Variants in AHCTF1 observed in about 807,000 individuals in gnomAD.
AHCTF1 encodes protein ELYS.
Under a neutral mutation model 248.4 loss-of-function variants are expected in AHCTF1, and 24 were observed. The observed-to-expected ratio is 0.10, with a 90% CI of 0.07 to 0.14. The LOEUF (loss-of-function observed/expected upper bound fraction) is 0.14, where lower values mean the gene tolerates loss of function less well. Ranked by LOEUF, AHCTF1 falls within the 10% of genes least tolerant of loss-of-function variation. The pLI, the probability that AHCTF1 is intolerant of heterozygous loss-of-function variation, is 1.00. For missense variants in AHCTF1, 2,206 were observed against 2,636.2 expected (o/e 0.84, Z 3.57); for synonymous variants, 786 against 929.8 (o/e 0.85, Z 2.81).
In AHCTF1 at chr1:246,902,448, T is replaced by C. The variant is rs544829859; in HGVS notation, c.1117+77A>G. 1,799 of 1,520,016 alleles carry C rather than the reference T, an allele frequency of 1.2e-3. 1 individual carries two copies. Among genetic ancestry groups the C allele is most frequent in the Non-Finnish European group, 1.4e-3 (1,617 of 1,124,646 alleles). The allele number at this position is 1,520,016 out of a possible 1,614,324, so 94.2% of individuals were successfully genotyped here. The stretch of plus-strand genomic sequence containing the variant: ...CCAATTTTCTGAACTGCCAGGAGTA[T>C]GAAATCTAGAAAATAACACCTGTCA... On this transcript the variant is annotated intron_variant, in intron 8 of 35. Coordinates refer to ENST00000648844, the MANE Select transcript of AHCTF1 (RefSeq NM_001323342.2).
chr1:246,867,285 A>C lies in AHCTF1; in HGVS notation c.3306T>G (p.Phe1102Leu), dbSNP rs1192632826. ...SLPAPELPEA[F>L]FGTPISKASQ... ...ATGCTTTTGAAATTGGTGTTCCAAAAAATGCCTCAGGCAGCTCTGGAGCTG... is the reference window on the plus strand; with the variant it reads ...ATGCTTTTGAAATTGGTGTTCCAAACAATGCCTCAGGCAGCTCTGGAGCTG... Residue 1102 changes from phenylalanine to leucine, a missense_variant, in exon 26 of 36, where the codon TTT becomes TTG. Coordinates refer to ENST00000648844, the MANE Select transcript of AHCTF1 (RefSeq NM_001323342.2). The C allele has an allele frequency of 1.9e-6, 3 of 1,604,194 alleles. No homozygotes were observed. The highest frequency in any genetic ancestry group is 2.6e-6 in the Non-Finnish European group (3 of 1,175,202).
intron 27 of AHCTF1, 87 bp downstream of exon 27, chr1:246,863,837 G>T: frequency 7.4e-7 from 1 of 1,352,962 alleles, no homozygotes; most frequent in Non-Finnish European, 1.0e-6. Flanking sequence ...AAGCGTATCA[G>T]TTATAAATTG....
intron 33 of AHCTF1, among the ~76,000 whole-genome samples, chr1:246,847,557 G>GC (rs1324114212): frequency 6.6e-6 from 1 of 152,102 alleles, no homozygotes; most frequent in Admixed American, 6.5e-5. Flanking sequence ...GAGTGCAGGG[G>GC]CACACGATCA....
intron 3 of AHCTF1, among the ~76,000 whole-genome samples, chr1:246,914,671 G>A (rs1359903819): frequency 6.6e-6 from 1 of 152,112 alleles, no homozygotes; most frequent in Non-Finnish European, 1.5e-5. Context: ...AACATAATGA[G>A]TGTATACTGC....
chr1:246,842,768 A>G lies in AHCTF1; in HGVS notation c.6534T>C (p.Asp2178=). ...KNKLEDELKD[D]AQSVETLGKP... ...TTCCCAGAGTTTCTACTGATTGTGC[A>G]TCATCTTTCTATGGGTTAAACATTT... The change falls in exon 35 of 36, where the codon GAT becomes GAC. Residue 2178 remains aspartate, a synonymous_variant. Transcript: ENST00000648844. The G allele has an allele frequency of 1.2e-6, 2 of 1,613,382 alleles. No individual in the cohort carries two copies. Among genetic ancestry groups the G allele is most frequent in the Non-Finnish European group, 1.7e-6 (2 of 1,179,700 alleles).
At position 246,839,706 on chromosome 1, in the gene AHCTF1, CAATTATT is replaced by C. The variant is rs1173555536; in HGVS notation, c.*1093_*1099del. On this transcript the variant is annotated 3_prime_UTR_variant, in exon 36 of 36. Coordinates refer to ENST00000648844, the MANE Select transcript of AHCTF1 (RefSeq NM_001323342.2). ...CGAAAGCAGTTCGTTTCTAGATAAT[CAATTATT>C]AATAGTCCATTCATTACACACTATC... is the stretch of plus-strand genomic sequence containing the variant. 1 of 242,738 alleles carries C rather than the reference CAATTATT, an allele frequency of 4.1e-6. No individual in the cohort carries two copies. The highest frequency in any genetic ancestry group is 2.4e-5 in the African/African-American group (1 of 42,104). The allele number at this position is 242,738 out of a possible 1,614,324, so 15.0% of individuals were successfully genotyped here.
At chr1:246,858,181 G>A (rs998729749) in intron 29 of AHCTF1, among the ~76,000 whole-genome samples, 1 of 151,688 alleles carries the variant, frequency 6.6e-6, no homozygotes, top group African/African-American at 2.4e-5. Flanking sequence ...GGATGGTCTC[G>A]ATCTCCTGAC....
intron 33 of AHCTF1, among the ~76,000 whole-genome samples, chr1:246,849,366 G>A (rs1362042317): frequency 1.3e-5 from 2 of 152,138 alleles, no homozygotes; most frequent in Non-Finnish European, 2.9e-5. Flanking sequence ...TCACAGAAGA[G>A]AAATTACACT....
intron 6 of AHCTF1, among the ~76,000 whole-genome samples, chr1:246,904,242 G>A (rs982897240): frequency 2.6e-5 from 4 of 152,112 alleles, no homozygotes; most frequent in African/African-American, 7.2e-5. Context: ...CAACTAAATC[G>A]ATGCTGTTTG....
chr1:246,866,961 T>G (rs1558228447), intron 26 of AHCTF1, among the ~76,000 whole-genome samples: 1 of 152,138 alleles, frequency 6.6e-6, no homozygotes, highest in Non-Finnish European at 1.5e-5. Flanking sequence ...AGAGGTCTAC[T>G]AACAAGCAGG....
intron 33 of AHCTF1, among the ~76,000 whole-genome samples, chr1:246,847,697 T>C (rs1572355792): frequency 6.6e-6 from 1 of 152,114 alleles, no homozygotes; most frequent in Non-Finnish European, 1.5e-5. Context: ...ATGGGGTTTT[T>C]TTGGCCATGT....
At chr1:246,901,603 G>A (rs1438685372) in intron 8 of AHCTF1, among the ~76,000 whole-genome samples, 1 of 152,016 alleles carries the variant, frequency 6.6e-6, no homozygotes, top group Non-Finnish European at 1.5e-5. Flanking sequence ...GACAGAGCGA[G>A]ACTCCATCTC....
At chr1:246,842,596 A>C in intron 35 of AHCTF1, 98 bp downstream of exon 35, 1 of 932,288 alleles carries the variant, frequency 1.1e-6, no homozygotes, top group East Asian at 3.2e-5. Flanking sequence ...AAAATAAATA[A>C]AAATAAAATA....
chr1:246,845,544 C>T (rs375722416), intron 33 of AHCTF1, among the ~76,000 whole-genome samples: 1 of 152,160 alleles, frequency 6.6e-6, no homozygotes, highest in Non-Finnish European at 1.5e-5. Flanking sequence ...CTCTTCTAGG[C>T]TACCTGAAAA....
At chr1:246,909,247 TAAA>T (rs34089730) in intron 4 of AHCTF1, among the ~76,000 whole-genome samples, 3 of 109,094 alleles carry the variant, frequency 2.7e-5, no homozygotes, top group Non-Finnish European at 3.8e-5. Context: ...TCGGCTCTAC[TAAA>T]AAAAAAAAAA....
chr1:246,892,838 G>A (rs1285348319), intron 14 of AHCTF1, among the ~76,000 whole-genome samples: 2 of 151,856 alleles, frequency 1.3e-5, no homozygotes, highest in African/African-American at 4.8e-5. Flanking sequence ...AGAGACGGGG[G>A]TCTTGCTATA....
At chr1:246,914,427 AGACAAAAGCCT>A (rs2103218675) in intron 3 of AHCTF1, among the ~76,000 whole-genome samples, 1 of 152,362 alleles carries the variant, frequency 6.6e-6, no homozygotes, top group Non-Finnish European at 1.5e-5. Flanking sequence ...AACTTACTAC[AGACAAAAGCCT>A]GGCTCTTTCT....
chr1:246,862,657 C>A (rs561496569), intron 27 of AHCTF1, among the ~76,000 whole-genome samples: 114 of 152,222 alleles, frequency 7.5e-4, no homozygotes, highest in African/African-American at 2.6e-3. Flanking sequence ...AAACATAAAA[C>A]TGCATCCATC....
rs754068157 is a variant in AHCTF1 at position 246,850,653 on chromosome 1, C to T, written c.5353G>A (p.Ala1785Thr). The change falls in exon 33 of 36, where the codon GCT becomes ACT. Residue 1785 changes from alanine to threonine, a missense_variant. Physicochemically the swap from Ala to Thr is moderately conservative, Grantham distance 58. Coordinates refer to ENST00000648844, the MANE Select transcript of AHCTF1 (RefSeq NM_001323342.2). The stretch of plus-strand genomic sequence containing the variant: ...ACATCAGAATAGATGTTTTCAGAAG[C>T]TTCAGAAATTTCTTTTGCCTTCCTA... ...KTRKAKEISE[A>T]SENIYSDVRG... 11 of 1,613,884 alleles carry T rather than the reference C, an allele frequency of 6.8e-6. No homozygotes were observed. Among genetic ancestry groups the T allele is most frequent in the Non-Finnish European group, 8.5e-6 (10 of 1,179,852 alleles).
Sources: allele counts gnomAD v4.1 joint callset (sites outside exome capture counted in the v4.1 genomes callset), GRCh38; gene constraint gnomAD v4.1.1; transcripts MANE v1.5; gene names NCBI Gene and HGNC (gene_info 2026-07-23, HGNC 2026-07-21).